The following PTPRD variants were observed in gnomAD, a reference collection of about 807,000 sequenced individuals.
The protein encoded by PTPRD is receptor-type tyrosine-protein phosphatase delta.
In PTPRD, 34 loss-of-function variants were observed where a neutral mutation model predicts 214.5. That is an observed-to-expected ratio of 0.16 (90% CI 0.12 to 0.21). The LOEUF is 0.21. PTPRD is among the 10% of genes least tolerant of loss of function. The probability of loss-of-function intolerance (pLI) is 1.00; values close to 1 mark genes in which losing one functional copy is unlikely to be tolerated. For synonymous variants in PTPRD, 1,128 were observed against 845.7 expected, an observed-to-expected ratio of 1.33 and a Z score of -5.79; for missense variants, 2,545 against 2,398.7, an observed-to-expected ratio of 1.06 and a Z score of -1.27.
In PTPRD at chr9:10,530,952, C is replaced by CG. The variant is rs199540394; in HGVS notation, c.-600+81445_-600+81446insC. Among the ~76,000 whole-genome samples the CG allele has an allele frequency of 2.5e-3, 373 of 150,880 alleles. 1 individual carries two copies. Among genetic ancestry groups the CG allele is most frequent in the African/African-American group, 7.5e-3 (309 of 41,180 alleles). On this transcript the variant is annotated intron_variant, in intron 2 of 45. Coordinates refer to ENST00000381196, the MANE Select transcript of PTPRD (RefSeq NM_002839.4). ...GACAATGGATGCTAAAATCAGTAGA[C>CG]AATTTTTTTTTTTTTGAGACAGATT...
chr9:9,878,671 T>C (rs2067649504), intron 5 of PTPRD, among the ~76,000 whole-genome samples: 1 of 152,170 alleles, frequency 6.6e-6, no homozygotes, highest in Admixed American at 6.6e-5. Context: ...TCAAATAGCA[T>C]TGTTAGAATG....
intron 7 of PTPRD, among the ~76,000 whole-genome samples, chr9:9,636,044 C>T (rs2095755725): frequency 1.3e-5 from 2 of 152,116 alleles, no homozygotes; most frequent in South Asian, 2.1e-4. Context: ...TGCAAAGACC[C>T]ATCTTTGCAC....
chr9:8,753,470 G>GA (rs1205625581), intron 11 of PTPRD, among the ~76,000 whole-genome samples: 1 of 152,172 alleles, frequency 6.6e-6, no homozygotes. Context: ...CTTCTTAAAG[G>GA]AATGATATTT....
intron 14 of PTPRD, among the ~76,000 whole-genome samples, chr9:8,608,540 C>T (rs1225923849): frequency 1.3e-5 from 2 of 152,102 alleles, no homozygotes; most frequent in African/African-American, 4.8e-5. Context: ...CAGAGACTCT[C>T]AGTGTCTCTC....
intron 7 of PTPRD, among the ~76,000 whole-genome samples, chr9:9,631,404 G>A (rs2095589644): frequency 6.6e-6 from 1 of 151,972 alleles, no homozygotes; most frequent in African/African-American, 2.4e-5. Context: ...TGCACATTCA[G>A]CCACAAGTTA....
intron 3 of PTPRD, among the ~76,000 whole-genome samples, chr9:10,131,198 A>G (rs1319259239): frequency 1.3e-5 from 2 of 152,120 alleles, no homozygotes; most frequent in Non-Finnish European, 2.9e-5. Flanking sequence ...AATTTTGGCC[A>G]CCTGATGTTA....
chr9:8,329,470 A>T (rs1218810900), intron 44 of PTPRD, among the ~76,000 whole-genome samples: 11 of 152,056 alleles, frequency 7.2e-5, no homozygotes, highest in Non-Finnish European at 1.2e-4. Flanking sequence ...GTGAGGTGTC[A>T]CCCAGTCAGG....
intron 2 of PTPRD, among the ~76,000 whole-genome samples, chr9:10,561,260 C>G (rs941451670): frequency 1.3e-5 from 2 of 152,044 alleles, no homozygotes; most frequent in East Asian, 1.9e-4. Context: ...ACTTATCTGT[C>G]AGGGTCGTTT....
intron 5 of PTPRD, among the ~76,000 whole-genome samples, chr9:9,768,530 A>G (rs1258724962): frequency 6.6e-6 from 1 of 152,182 alleles, no homozygotes; most frequent in East Asian, 1.9e-4. Flanking sequence ...GATAAACTTT[A>G]TTCATGAATT....
chr9:9,293,819 G>C (rs975419554), intron 9 of PTPRD, among the ~76,000 whole-genome samples: 1 of 151,532 alleles, frequency 6.6e-6, no homozygotes, highest in Non-Finnish European at 1.5e-5. Context: ...TTTGCAGTTT[G>C]AGGTACAACA....
intron 5 of PTPRD, among the ~76,000 whole-genome samples, chr9:9,899,968 A>T (rs1327000025): frequency 6.6e-6 from 1 of 152,042 alleles, no homozygotes; most frequent in Non-Finnish European, 1.5e-5. Flanking sequence ...AACCTGAAAA[A>T]AGTAGAAGTA....
intron 10 of PTPRD, among the ~76,000 whole-genome samples, chr9:9,040,560 A>C (rs1011659063): frequency 2.1e-5 from 3 of 140,106 alleles, no homozygotes; most frequent in Admixed American, 7.5e-5. Flanking sequence ...CTGTGTTCAT[A>C]AATAACAGTT....
At chr9:9,413,322 G>C (rs1263570795) in intron 8 of PTPRD, among the ~76,000 whole-genome samples, 1 of 149,494 alleles carries the variant, frequency 6.7e-6, no homozygotes, top group Non-Finnish European at 1.5e-5. Flanking sequence ...CACCTTGTTA[G>C]CCAGGATGGT....
Position 8,388,605 on chromosome 9 carries a change from T to C in PTPRD, c.4386+627A>G, listed in dbSNP as rs189336980. Among the ~76,000 whole-genome samples the C allele has an allele frequency of 3.2e-3, 486 of 152,278 alleles. 5 individuals are homozygous for C. Among genetic ancestry groups the C allele is most frequent in the African/African-American group, 0.011 (473 of 41,564 alleles). Reference sequence around the variant, plus strand: ...GCCATGCACCATAATATTGGACCCATACGATGAATAAAACTCTTTTCTTGG... The same window carrying C: ...GCCATGCACCATAATATTGGACCCACACGATGAATAAAACTCTTTTCTTGG... On this transcript the variant is annotated intron_variant, in intron 37 of 45. Coordinates refer to ENST00000381196, the MANE Select transcript of PTPRD (RefSeq NM_002839.4).
chr9:9,989,086 G>A (rs1221419224), intron 4 of PTPRD, among the ~76,000 whole-genome samples: 2 of 149,640 alleles, frequency 1.3e-5, no homozygotes, highest in African/African-American at 2.5e-5. Flanking sequence ...GTTGCTCTGG[G>A]GAGGAGTTAT....
At chr9:10,200,014 C>A (rs936597826) in intron 3 of PTPRD, among the ~76,000 whole-genome samples, 2 of 151,974 alleles carry the variant, frequency 1.3e-5, no homozygotes. Context: ...TTTATCCTAG[C>A]ATACTAAGGT....
rs2086312133 is a variant in PTPRD at position 9,931,052 on chromosome 9, G to C, written c.-368+7455C>G. ...TTATAACTTGATTTTAATCCCTCTAGAAAATATGGTGACTATTTTTTCACA... is the reference window on the plus strand; with the variant it reads ...TTATAACTTGATTTTAATCCCTCTACAAAATATGGTGACTATTTTTTCACA... On this transcript the variant is annotated intron_variant, in intron 5 of 45. Transcript: ENST00000381196. 2.0e-5 allele frequency among the ~76,000 whole-genome samples: 3 copies of C among 151,938 alleles called. No individual in the cohort carries two copies. In the South Asian group the frequency reaches 6.2e-4, roughly 32 times the overall value.
At chr9:10,158,062 G>A (rs546341648) in intron 3 of PTPRD, among the ~76,000 whole-genome samples, 2 of 152,142 alleles carry the variant, frequency 1.3e-5, no homozygotes, top group South Asian at 4.2e-4. Context: ...AGGCTGGAGT[G>A]CAATGGCGCG....
intron 5 of PTPRD, among the ~76,000 whole-genome samples, chr9:9,936,644 A>G (rs1181825435): frequency 2.3e-5 from 3 of 131,952 alleles, no homozygotes; most frequent in African/African-American, 9.8e-5. Flanking sequence ...AAACTAGTTC[A>G]ACCATTGTGG....
Sources: allele counts gnomAD v4.1 joint callset (sites outside exome capture counted in the v4.1 genomes callset), GRCh38; gene constraint gnomAD v4.1.1; transcripts MANE v1.5; gene names NCBI Gene and HGNC (gene_info 2026-07-23, HGNC 2026-07-21).